SNX12: variants seen among roughly 807,000 people sequenced by gnomAD.
SNX12 encodes sorting nexin 12, also known as sorting nexin-12.
For synonymous variants in SNX12, 47 were observed against 56.0 expected, an observed-to-expected ratio of 0.84 and a Z score of 0.71; for missense variants, 62 against 141.3, an observed-to-expected ratio of 0.44 and a Z score of 2.84.
At chrX:71,061,560 C>T (rs2092131348) in intron 3 of SNX12, among the ~76,000 whole-genome samples, 1 of 111,278 alleles carries the variant, frequency 9.0e-6, no homozygotes, top group African/African-American at 3.3e-5. Flanking sequence ...TGGTGAAACC[C>T]CATCGCTACT....
chrX:71,067,919 A>G (rs1172665600), intron 1 of SNX12, among the ~76,000 whole-genome samples: 1 of 110,487 alleles, frequency 9.1e-6, no homozygotes, highest in Non-Finnish European at 1.9e-5. Flanking sequence ...CCTCATGGGT[A>G]GCTTTCCTGC....
chrX:71,069,802 A>G (rs779958563), upstream of SNX12, among the ~76,000 whole-genome samples: 24 of 110,834 alleles, frequency 2.2e-4, no homozygotes, highest in East Asian at 3.7e-3. Context: ...TTAGCTGGGC[A>G]TGGTGGCACA....
At chrX:71,071,159 T>C (rs1377139135), upstream of SNX12, among the ~76,000 whole-genome samples, 4 of 108,480 alleles carry the variant, frequency 3.7e-5, no homozygotes, top group Non-Finnish European at 7.6e-5. Context: ...GGATTTTATA[T>C]TTTACAAGGC....
chrX:71,071,515 AT>A (rs1280761774), upstream of SNX12, among the ~76,000 whole-genome samples: 1 of 31,412 alleles, frequency 3.2e-5, no homozygotes, highest in Non-Finnish European at 4.6e-5. Flanking sequence ...TTATATATTA[AT>A]TTATATATAT....
intron 1 of SNX12, among the ~76,000 whole-genome samples, chrX:71,063,968 A>G (rs1003600353): frequency 4.5e-5 from 5 of 111,499 alleles, no homozygotes; most frequent in Non-Finnish European, 9.4e-5. Flanking sequence ...AACAGTATAT[A>G]TATATAGCTT....
At chrX:71,071,734 A>ATATTTATATATATAAATAAT (rs1199982840), upstream of SNX12, among the ~76,000 whole-genome samples, 2 of 78,235 alleles carry the variant, frequency 2.6e-5, no homozygotes, top group African/African-American at 4.9e-5. Context: ...ATATAAATAT[A>ATATTTATATATATAAATAAT]TATTTATATA....
In SNX12 at chrX:71,068,328, A is replaced by G; in HGVS notation, c.-22T>C. 8.5e-7 allele frequency: 1 copy of G among 1,176,705 alleles called. No homozygotes were observed. ...ACATCTTTCCGAAGGAGAGCCTGGG[A>G]CCGGGGAAAGGGGGTGGGGGACAGA... On this transcript the variant is annotated 5_prime_UTR_variant, in exon 1 of 4. Transcript: ENST00000374274.
intron 1 of SNX12, among the ~76,000 whole-genome samples, chrX:71,066,773 C>T (rs1316731429): frequency 1.8e-5 from 2 of 110,545 alleles, no homozygotes; most frequent in Non-Finnish European, 3.8e-5. Context: ...CAATTTCCTG[C>T]TTTTATCATA....
At chrX:71,072,690 A>G (rs2092176840), upstream of SNX12, among the ~76,000 whole-genome samples, 1 of 111,558 alleles carries the variant, frequency 9.0e-6, no homozygotes. Context: ...GACCAATTCC[A>G]TAGAAAGTTA....
At chrX:71,068,525 G>A (rs2092163961), upstream of SNX12, 1 of 277,405 alleles carries the variant, frequency 3.6e-6, no homozygotes, top group African/African-American at 2.8e-5. Flanking sequence ...TAGAGTGGAG[G>A]CCATATTCAG....
intron 1 of SNX12, among the ~76,000 whole-genome samples, chrX:71,066,579 G>C (rs1173863597): frequency 2.2e-5 from 2 of 90,053 alleles, no homozygotes; most frequent in African/African-American, 8.7e-5. Context: ...AATAGAACGA[G>C]ACTCCATCTC....
upstream of SNX12, among the ~76,000 whole-genome samples, chrX:71,070,927 C>T (rs917975092): frequency 4.5e-5 from 5 of 110,862 alleles, no homozygotes; most frequent in Admixed American, 9.7e-5. Flanking sequence ...AGTATAATGC[C>T]TTTGTATTTT....
chrX:71,067,085 C>T (rs1378079485), intron 1 of SNX12, among the ~76,000 whole-genome samples: 1 of 112,273 alleles, frequency 8.9e-6, no homozygotes, highest in Non-Finnish European at 1.9e-5. Context: ...GAGAAGAAAA[C>T]ATAAGGAAAA....
At chrX:71,067,882 C>T (rs1398098270) in intron 1 of SNX12, among the ~76,000 whole-genome samples, 1 of 110,574 alleles carries the variant, frequency 9.0e-6, no homozygotes, top group Non-Finnish European at 1.9e-5. Context: ...TTCCATCCAC[C>T]CCACCCTATC....
chrX:71,061,860 G>A lies in SNX12; in HGVS notation c.369C>T (p.Leu123=), dbSNP rs779201168. The part of the protein sequence containing the change: ...ESFIEERRQG[L]EQFINKIAGH... ...TGGCTTACTTGTTAATAAACTGCTC[G>A]AGGCCCTGCCTCCTTTCTTCGATGA... The change falls in exon 3 of 4, where the codon CTC becomes CTT. Residue 123 remains leucine, a synonymous_variant. Transcript: ENST00000374274. The A allele has an allele frequency of 5.0e-6, 6 of 1,204,533 alleles. No homozygotes were observed. The highest frequency in any genetic ancestry group is 4.5e-5 in the Admixed American group (2 of 44,529).
At position 71,061,826 on chromosome X, in the gene SNX12, C is replaced by T. The variant is rs755368842; in HGVS notation, c.386+17G>A. 2.6e-5 allele frequency: 31 copies of T among 1,200,976 alleles called. No individual in the cohort carries two copies. The South Asian group carries it at 5.2e-4, about 20-fold the overall frequency. On this transcript the variant is annotated intron_variant, in intron 3 of 3. Transcript: ENST00000374274. ...ATGGCAAAAGTAGCAAGTGGAGCCC[C>T]CAGGAACTTGGCTTACTTGTTAATA...
upstream of SNX12, among the ~76,000 whole-genome samples, chrX:71,071,597 A>ATATATTATATATAAATATATAATATT (rs1569477479): frequency 4.1e-5 from 2 of 49,116 alleles, no homozygotes; most frequent in African/African-American, 1.8e-4. Context: ...TATAATATTT[A>ATATATTATATATAAATATATAATATT]TATATATTAT....
chrX:71,068,767 G>T (rs772103706), upstream of SNX12, among the ~76,000 whole-genome samples: 1 of 112,189 alleles, frequency 8.9e-6, no homozygotes, highest in Admixed American at 9.4e-5. Flanking sequence ...GAAAATAGAA[G>T]GGTGGTCTAT....
At chrX:71,062,131 G>A in intron 2 of SNX12, among the ~76,000 whole-genome samples, 164 bp from the exon 3 acceptor site, 2 of 111,467 alleles carry the variant, frequency 1.8e-5, no homozygotes, top group East Asian at 2.8e-4. Context: ...GATGGCTCAG[G>A]TCAAAAATTA....
Sources: allele counts gnomAD v4.1 joint callset (sites outside exome capture counted in the v4.1 genomes callset), GRCh38; gene constraint gnomAD v4.1.1; transcripts MANE v1.5; gene names NCBI Gene and HGNC (gene_info 2026-07-23, HGNC 2026-07-21).